The following ANKRD30B variants were observed in gnomAD, a reference collection of about 807,000 sequenced individuals.
ANKRD30B encodes ankyrin repeat domain 30B.
ANKRD30B carries 144 observed loss-of-function variants against 202.2 expected under a neutral mutation model. The observed-to-expected ratio is 0.71, with a 90% CI of 0.62 to 0.82. The LOEUF (loss-of-function observed/expected upper bound fraction) is 0.82. Ranked by LOEUF, ANKRD30B falls within the 40% of genes least tolerant of loss-of-function variation. The pLI is 0.00. For synonymous variants in ANKRD30B, 508 were observed against 561.3 expected, an observed-to-expected ratio of 0.91 and a Z score of 1.34; for missense variants, 1,487 against 1,669.1, an observed-to-expected ratio of 0.89 and a Z score of 1.90.
chr18:14,829,744 A>G (rs950244258), intron 33 of ANKRD30B, among the ~76,000 whole-genome samples: 4 of 152,196 alleles, frequency 2.6e-5, no homozygotes, highest in Non-Finnish European at 5.9e-5. Context: ...CAAGATTTCT[A>G]TTGAAAGATT....
the ANKRD30B span, among the ~76,000 whole-genome samples, chr18:14,887,578 A>AT: frequency 6.6e-6 from 1 of 151,792 alleles, no homozygotes; most frequent in African/African-American, 2.4e-5. Flanking sequence ...TCAGGCTCTC[A>AT]TTTTTGTCTG....
intron 16 of ANKRD30B, among the ~76,000 whole-genome samples, chr18:14,794,248 C>CT (rs1189852337): frequency 1.3e-5 from 2 of 151,688 alleles, no homozygotes; most frequent in African/African-American, 4.8e-5. Context: ...GGATTTTGAA[C>CT]TTCAGGGATA....
At chr18:14,777,540 C>T (rs1399817423) in intron 9 of ANKRD30B, among the ~76,000 whole-genome samples, 2 of 151,918 alleles carry the variant, frequency 1.3e-5, no homozygotes, top group Non-Finnish European at 1.5e-5. Context: ...TCGTGATCCC[C>T]CCACCTTGGC....
At chr18:14,795,337 C>T (rs1234914164) in intron 16 of ANKRD30B, among the ~76,000 whole-genome samples, 1 of 152,182 alleles carries the variant, frequency 6.6e-6, no homozygotes, top group African/African-American at 2.4e-5. Flanking sequence ...GCTGCGGTTA[C>T]AGGCATGTGC....
chr18:14,779,995 G>C lies in ANKRD30B; in HGVS notation c.1456G>C (p.Asp486His). ...MFPSESKREE[D>H]EEYSWDSGSL... ...CCCATCAGAATCCAAACGAGAGGAA[G>C]ATGAAGAATATTCTTGGGATTCTGG... is the stretch of plus-strand genomic sequence containing the variant. The change falls in exon 11 of 44, where the codon GAT becomes CAT. Residue 486 changes from aspartate to histidine, a missense_variant. Around this residue, in one of 6 missense-constraint regions of ANKRD30B, gnomAD observed 889 missense variants for 841.4 expected, o/e 1.06. Transcript: ENST00000690538. 6.2e-7 allele frequency: 1 copy of C among 1,605,896 alleles called. No individual in the cohort carries two copies. Among genetic ancestry groups the C allele is most frequent in the Non-Finnish European group, 8.5e-7 (1 of 1,174,374 alleles).
At chr18:14,793,942 A>C (rs1182183261) in intron 16 of ANKRD30B, among the ~76,000 whole-genome samples, 1 of 152,140 alleles carries the variant, frequency 6.6e-6, no homozygotes, top group Admixed American at 6.6e-5. Flanking sequence ...CACCACATTT[A>C]ATTAGACTCT....
At position 14,769,368 on chromosome 18, in the gene ANKRD30B, AT is replaced by A; in HGVS notation, c.1253del (p.Phe418SerfsTer51). 1 of 1,545,110 alleles carries A rather than the reference AT, an allele frequency of 6.5e-7. No individual in the cohort carries two copies. Among genetic ancestry groups the A allele is most frequent in the African/African-American group, 1.4e-5 (1 of 72,936 alleles). On this transcript the variant is annotated frameshift_variant, in exon 8 of 44. Transcript: ENST00000690538. LOFTEE classifies it high-confidence loss of function. ...TGGATGTGAGTTCTGTAGAGCCTATATTCAGGTAAGACTTTGCGGTTTTTTA... is the reference window on the plus strand; with the variant it reads ...TGGATGTGAGTTCTGTAGAGCCTATATCAGGTAAGACTTTGCGGTTTTTTA... ...NVDVSSVEPI[F>X]SLFGTRTIEN...
chr18:14,862,034 T>G, the ANKRD30B span, among the ~76,000 whole-genome samples: 1 of 152,224 alleles, frequency 6.6e-6, no homozygotes, highest in Admixed American at 6.5e-5. Flanking sequence ...CTGAAAGACT[T>G]TTGTGTAAAT....
the ANKRD30B span, chr18:14,903,628 C>T: frequency 6.6e-6 from 1 of 152,168 alleles, no homozygotes; most frequent in Non-Finnish European, 1.5e-5. Flanking sequence ...AGACAGAGAA[C>T]GTTCTCCTCC....
At chr18:14,923,640 C>T in the ANKRD30B span, among the ~76,000 whole-genome samples, 13 of 152,172 alleles carry the variant, frequency 8.5e-5, no homozygotes, top group Non-Finnish European at 1.8e-4. Flanking sequence ...ATTCCTAGGG[C>T]CTTGAGTGAA....
chr18:14,763,765 A>G lies in ANKRD30B; in HGVS notation c.900A>G (p.Glu300=), dbSNP rs914688479. The stretch of plus-strand genomic sequence containing the variant: ...CTGACACGGCTGAAAGCTTGCTGGA[A>G]AAAACACCTGACGAGGCTGCACGCT... ...RTPDTAESLL[E]KTPDEAARLV... Residue 300 remains glutamate (E), a synonymous_variant, in exon 7 of 44, where the codon GAA becomes GAG. Transcript: ENST00000690538. 10 of 1,613,982 alleles carry G rather than the reference A, an allele frequency of 6.2e-6. No homozygotes were observed. The Admixed American group carries it at 1.5e-4, about 24-fold the overall frequency.
At chr18:14,891,280 C>A in the ANKRD30B span, among the ~76,000 whole-genome samples, 2 of 149,968 alleles carry the variant, frequency 1.3e-5, no homozygotes, top group Non-Finnish European at 3.0e-5. Context: ...TTTTTGCTAC[C>A]TGGATAATAA....
the ANKRD30B span, among the ~76,000 whole-genome samples, chr18:14,888,028 CA>C: frequency 6.6e-6 from 1 of 152,098 alleles, no homozygotes; most frequent in Admixed American, 6.6e-5. Flanking sequence ...TTTTTGGAAA[CA>C]TCCTTTTAGC....
intron 37 of ANKRD30B, among the ~76,000 whole-genome samples, chr18:14,841,818 C>T (rs1375209355): frequency 6.6e-6 from 1 of 152,188 alleles, no homozygotes; most frequent in Non-Finnish European, 1.5e-5. Flanking sequence ...ACTCCAGAGA[C>T]TACCGGAAGC....
intron 33 of ANKRD30B, among the ~76,000 whole-genome samples, chr18:14,829,008 A>G (rs2143063129): frequency 6.6e-6 from 1 of 152,310 alleles, no homozygotes; most frequent in Non-Finnish European, 1.5e-5. Context: ...TCTTCAAAGC[A>G]GTCCCCTCTT....
intron 12 of ANKRD30B, among the ~76,000 whole-genome samples, chr18:14,783,709 C>T (rs1206024295): frequency 6.6e-6 from 1 of 151,938 alleles, no homozygotes; most frequent in Non-Finnish European, 1.5e-5. Flanking sequence ...ATATTGAAAG[C>T]TTATAAATTA....
At chr18:14,784,146 T>C (rs1004550509) in intron 12 of ANKRD30B, among the ~76,000 whole-genome samples, 190 bp from the exon 13 acceptor site, 2 of 152,124 alleles carry the variant, frequency 1.3e-5, no homozygotes, top group Non-Finnish European at 2.9e-5. Flanking sequence ...ATGAAACCTA[T>C]ATTTATATTT....
chr18:14,780,850 G>A (rs1447334767), intron 11 of ANKRD30B, among the ~76,000 whole-genome samples: 1 of 152,144 alleles, frequency 6.6e-6, no homozygotes, highest in Non-Finnish European at 1.5e-5. Flanking sequence ...GGAAACCAGT[G>A]GGACAATTTG....
intron 4 of ANKRD30B, among the ~76,000 whole-genome samples, chr18:14,756,123 G>A (rs1312698793): frequency 3.3e-5 from 5 of 152,164 alleles, no homozygotes; most frequent in African/African-American, 9.7e-5. Context: ...GTATCTCATT[G>A]TGGTTTTGAT....
Sources: allele counts gnomAD v4.1 joint callset (sites outside exome capture counted in the v4.1 genomes callset), GRCh38; gene constraint gnomAD v4.1.1; regional missense constraint gnomAD v4.1.1; transcripts MANE v1.5; gene names NCBI Gene and HGNC (gene_info 2026-07-23, HGNC 2026-07-21).